The following CCDC15 variants were observed in gnomAD, a reference collection of about 807,000 sequenced individuals.
The protein encoded by CCDC15 is coiled-coil domain-containing protein 15.
In CCDC15, 105 loss-of-function variants were observed where a neutral mutation model predicts 114.5. The ratio of observed to expected loss-of-function variants is 0.92; its 90% CI spans 0.78 to 1.08. CCDC15 has a LOEUF of 1.08. Among genes scored for constraint, CCDC15 ranks in the 50% least tolerant of loss-of-function variants. The pLI, the probability that CCDC15 is intolerant of heterozygous loss-of-function variation, is 0.00. For missense variants in CCDC15, 1,105 were observed against 1,093.6 expected, an observed-to-expected ratio of 1.01 and a Z score of -0.15; for synonymous variants, 334 against 377.8, an observed-to-expected ratio of 0.88 and a Z score of 1.34.
intron 6 of CCDC15, among the ~76,000 whole-genome samples, chr11:124,985,102 T>A (rs1287662809): frequency 6.6e-6 from 1 of 152,222 alleles, no homozygotes; most frequent in Admixed American, 6.5e-5. Context: ...AGGAATTATA[T>A]GATATATCGT....
intron 13 of CCDC15, among the ~76,000 whole-genome samples, chr11:125,007,377 C>G (rs1384171199): frequency 1.3e-5 from 2 of 152,168 alleles, no homozygotes; most frequent in Non-Finnish European, 2.9e-5. Flanking sequence ...ATAATGACTT[C>G]CAGTTCCATC....
chr11:124,987,066 G>A, intron 7 of CCDC15, 61 bp from the exon 8 acceptor site: 4 of 1,401,940 alleles, frequency 2.9e-6, no homozygotes, highest in Non-Finnish European at 3.8e-6. Context: ...GATTATTTTG[G>A]AAAATCTAGA....
chr11:125,028,267 T>A (rs1469360760), intron 13 of CCDC15, among the ~76,000 whole-genome samples: 1 of 152,162 alleles, frequency 6.6e-6, no homozygotes, highest in South Asian at 2.1e-4. Context: ...TTCATATGAA[T>A]GTTAGCATTG....
chr11:124,988,191 G>C (rs1461321837), intron 8 of CCDC15, 57 bp downstream of exon 8: 21 of 1,528,794 alleles, frequency 1.4e-5, no homozygotes, highest in Non-Finnish European at 1.9e-5. Flanking sequence ...TAGGGTTTGA[G>C]GAGGGATTTG....
chr11:124,992,194 G>A (rs1948282432), intron 9 of CCDC15, among the ~76,000 whole-genome samples: 1 of 152,164 alleles, frequency 6.6e-6, no homozygotes, highest in South Asian at 2.1e-4. Context: ...GTCAAAATCA[G>A]TTCAGTGATT....
intron 6 of CCDC15, among the ~76,000 whole-genome samples, chr11:124,981,820 C>G (rs1948076920): frequency 6.6e-6 from 1 of 152,136 alleles, no homozygotes; most frequent in Non-Finnish European, 1.5e-5. Context: ...GGGGTTTCTT[C>G]ATGTTGGCCA....
intron 4 of CCDC15, among the ~76,000 whole-genome samples, chr11:124,969,648 C>A (rs1947847231): frequency 6.6e-6 from 1 of 152,104 alleles, no homozygotes; most frequent in Non-Finnish European, 1.5e-5. Context: ...TGTAGTAAAG[C>A]TTTAAGTAAT....
chr11:125,038,901 A>G lies in CCDC15; in HGVS notation c.2586-20A>G. 6.2e-7 allele frequency: 1 copy of G among 1,600,294 alleles called. No homozygotes were observed. Among genetic ancestry groups the G allele is most frequent in the Non-Finnish European group, 8.5e-7 (1 of 1,173,410 alleles). On this transcript the variant is annotated intron_variant, in intron 14 of 15. Coordinates refer to ENST00000344762, the MANE Select transcript of CCDC15 (RefSeq NM_025004.3). ...TCTTTTTAATAGTTCACTTTGCCTG[A>G]TTATACTTTATTTGTACAGATATGT...
At chr11:125,039,284 G>A (rs1229440383) in intron 15 of CCDC15, 1 of 426,656 alleles carries the variant, frequency 2.3e-6, no homozygotes, top group Non-Finnish European at 4.0e-6. Flanking sequence ...TTATGCTGGG[G>A]AAATATTTTC....
chr11:125,002,175 A>G (rs984323686), intron 11 of CCDC15, among the ~76,000 whole-genome samples: 1 of 152,156 alleles, frequency 6.6e-6, no homozygotes, highest in African/African-American at 2.4e-5. Context: ...ACACCTTTTC[A>G]TGTGCTTACT....
intron 11 of CCDC15, among the ~76,000 whole-genome samples, chr11:125,000,150 A>G (rs949939322): frequency 1.3e-5 from 2 of 152,134 alleles, no homozygotes; most frequent in African/African-American, 4.8e-5. Flanking sequence ...GGCATGAGCC[A>G]CCATGCCAGG....
At chr11:124,978,548 G>C (rs1337465021) in intron 6 of CCDC15, among the ~76,000 whole-genome samples, 1 of 152,018 alleles carries the variant, frequency 6.6e-6, no homozygotes. Flanking sequence ...TTTTCTGACT[G>C]GTGTGAGATG....
chr11:124,957,362 A>C (rs1315257614), intron 2 of CCDC15, among the ~76,000 whole-genome samples: 1 of 152,202 alleles, frequency 6.6e-6, no homozygotes, highest in African/African-American at 2.4e-5. Context: ...TTGGCCTAGG[A>C]TGACTAGAAT....
intron 11 of CCDC15, among the ~76,000 whole-genome samples, chr11:124,997,617 T>C (rs191611584): frequency 2.0e-5 from 3 of 152,232 alleles, no homozygotes; most frequent in Admixed American, 1.3e-4. Context: ...TTCGTTGTTA[T>C]AAGCAAAATA....
chr11:124,979,464 T>C (rs944255142), intron 6 of CCDC15, among the ~76,000 whole-genome samples: 5 of 152,132 alleles, frequency 3.3e-5, no homozygotes, highest in Non-Finnish European at 5.9e-5. Context: ...TCTTTGAGCA[T>C]TGTTTTTTAA....
At position 124,998,766 on chromosome 11, in the gene CCDC15, C is replaced by T. The variant is rs181743439; in HGVS notation, c.2215-5101C>T. On this transcript the variant is annotated intron_variant, in intron 11 of 15. Coordinates refer to ENST00000344762, the MANE Select transcript of CCDC15 (RefSeq NM_025004.3). The stretch of plus-strand genomic sequence containing the variant: ...TTTTTTTTTTTTTTGGAGACAGAGT[C>T]TCACTCTGTCGCCTAGGCAGGAGTG... Among the ~76,000 whole-genome samples, 429 of 135,352 alleles carry T rather than the reference C, an allele frequency of 3.2e-3. 1 individual carries two copies. The highest frequency in any genetic ancestry group is 0.012 in the African/African-American group (407 of 35,082). 88.8% of individuals were successfully genotyped at this position (135,352 alleles called of 152,430 possible). A position where few individuals can be genotyped will look rare whatever the true frequency, so the allele number is the denominator to read the frequency against.
At chr11:125,035,226 G>T (rs1022982082) in intron 13 of CCDC15, among the ~76,000 whole-genome samples, 5 of 152,108 alleles carry the variant, frequency 3.3e-5, no homozygotes, top group African/African-American at 1.2e-4. Flanking sequence ...CAGTCCACTG[G>T]CTCAAATGTT....
rs759880190 is a variant in CCDC15, at chr11:124,959,954, T to C, written c.467T>C (p.Ile156Thr). 2 of 1,583,464 alleles carry C rather than the reference T, an allele frequency of 1.3e-6. No individual in the cohort carries two copies. The highest frequency in any genetic ancestry group is 2.7e-5 in the African/African-American group (2 of 74,466). ...LPPSLMPGDGIEDEENQNELF... is the reference protein window; with the variant it reads ...LPPSLMPGDGTEDEENQNELF... Reference sequence around the variant, plus strand: ...CCTTCCCTGATGCCTGGGGATGGAATAGAGGATGAAGAGAATCAGAACGAA... The same window carrying C: ...CCTTCCCTGATGCCTGGGGATGGAACAGAGGATGAAGAGAATCAGAACGAA... Residue 156 changes from isoleucine (I) to threonine (T), a missense_variant, in exon 4 of 16, where the codon ATA (isoleucine) becomes ACA (threonine). Transcript: ENST00000344762.
intron 15 of CCDC15, among the ~76,000 whole-genome samples, chr11:125,040,359 C>T (rs942789070): frequency 2.0e-5 from 3 of 152,058 alleles, no homozygotes; most frequent in Admixed American, 2.0e-4. Context: ...TTGTATATAC[C>T]TTTGGTTTGG....
Sources: allele counts gnomAD v4.1 joint callset (sites outside exome capture counted in the v4.1 genomes callset), GRCh38; gene constraint gnomAD v4.1.1; transcripts MANE v1.5; gene names NCBI Gene and HGNC (gene_info 2026-07-23, HGNC 2026-07-21).